ZBED4: variants seen among roughly 807,000 people sequenced by gnomAD.
ZBED4 encodes zinc finger BED domain-containing protein 4.
ZBED4 carries 4 observed loss-of-function variants against 15.5 expected under a neutral mutation model. The observed-to-expected ratio is 0.26, with a 90% confidence interval of 0.13 to 0.59. The LOEUF (loss-of-function observed/expected upper bound fraction) is 0.59, where lower values mean the gene tolerates loss of function less well. Among genes scored for constraint, ZBED4 ranks in the 20% least tolerant of loss-of-function variants. The pLI, the probability that ZBED4 is intolerant of heterozygous loss-of-function variation, is 0.90. For missense variants in ZBED4, 1,323 were observed against 1,461.8 expected (o/e 0.91, Z 1.55); for synonymous variants, 692 against 608.5 (o/e 1.14, Z -2.02).
rs745521353 is a variant in ZBED4 at position 49,886,613 on chromosome 22, C to G, written c.2951C>G (p.Ser984Cys). The G allele has an allele frequency of 6.3e-7, 1 of 1,576,428 alleles. No individual in the cohort carries two copies. The highest frequency in any genetic ancestry group is 1.2e-5 in the South Asian group (1 of 85,096). The stretch of plus-strand genomic sequence containing the variant: ...ATGGGCATCGACACCATGCTGCGCT[C>G]TCTGAAGGAGGCCATGGTGAGCCGC... Reference protein sequence around the residue: ...ETMGIDTMLRSLKEAMVSRLS... With the variant: ...ETMGIDTMLRCLKEAMVSRLS... The change falls in exon 2 of 2, where the codon TCT (serine) becomes TGT (cysteine). Residue 984 changes from serine (S) to cysteine (C), a missense_variant. Ser to Cys is a moderately radical substitution (Grantham distance 112). Around this residue, in one of 6 missense-constraint regions of ZBED4, gnomAD observed 312 missense variants for 410.7 expected, o/e 0.76. Coordinates refer to ENST00000216268, the MANE Select transcript of ZBED4 (RefSeq NM_014838.3). This position sits in a 1 kb window ranked among gnomAD's most constrained non-coding sequence, Gnocchi z 7.7.
intron 1 of ZBED4, among the ~76,000 whole-genome samples, chr22:49,865,719 T>C (rs2060319497): frequency 6.6e-6 from 1 of 152,120 alleles, no homozygotes. Flanking sequence ...TGTGTTTTGG[T>C]TGAGGTTTGC....
In ZBED4 at chr22:49,885,513, G is replaced by T; in HGVS notation, c.1851G>T (p.Ser617=). The T allele has an allele frequency of 1.2e-6, 2 of 1,609,984 alleles. No homozygotes were observed. The highest frequency in any genetic ancestry group is 1.3e-5 in the African/African-American group (1 of 74,982). ...FHSNVLKTEV[S]ETARPSSPDT... is the part of the protein sequence containing the mutation. ...GCAACGTGCTGAAAACTGAGGTCTC[G>T]GAGACGGCTCGGCCCTCCTCTCCGG... The change falls in exon 2 of 2, where the codon TCG becomes TCT. Residue 617 remains serine, a synonymous_variant. Coordinates refer to ENST00000216268, the MANE Select transcript of ZBED4 (RefSeq NM_014838.3).
At chr22:49,865,337 C>T (rs1052703608) in intron 1 of ZBED4, among the ~76,000 whole-genome samples, 1 of 152,032 alleles carries the variant, frequency 6.6e-6, no homozygotes, top group South Asian at 2.1e-4. Flanking sequence ...CTGTGCAGCA[C>T]GTGACTGTGT....
intron 1 of ZBED4, among the ~76,000 whole-genome samples, chr22:49,880,565 G>A (rs1280955588): frequency 2.0e-5 from 3 of 152,200 alleles, no homozygotes; most frequent in African/African-American, 4.8e-5. Context: ...CTCTCTCAGC[G>A]TCTGAAAACG....
intron 1 of ZBED4, among the ~76,000 whole-genome samples, chr22:49,875,190 G>T (rs1401155066): frequency 6.6e-6 from 1 of 151,934 alleles, no homozygotes; most frequent in East Asian, 1.9e-4. Context: ...AAAGAATTGG[G>T]AGGTGTTTCT....
At chr22:49,858,816 G>A (rs1217727329) in intron 1 of ZBED4, among the ~76,000 whole-genome samples, 2 of 152,136 alleles carry the variant, frequency 1.3e-5, no homozygotes, top group Non-Finnish European at 2.9e-5. Context: ...AACCAGAATC[G>A]AGTACAGGGC....
In ZBED4 at chr22:49,883,856, G is replaced by T; in HGVS notation, c.194G>T (p.Gly65Val). 1 of 1,608,426 alleles carries T rather than the reference G, an allele frequency of 6.2e-7. No homozygotes were observed. The change falls in exon 2 of 2, where the codon GGT becomes GTT. Residue 65 changes from glycine (G) to valine (V), a missense_variant. Physicochemically the swap from Gly to Val is moderately radical, Grantham distance 109. This residue lies in a region of ZBED4 where 380 missense variants were observed against 413.7 expected (regional missense o/e 0.92). Coordinates refer to ENST00000216268, the MANE Select transcript of ZBED4 (RefSeq NM_014838.3). ...GAGCGAGCGGGCCTCGGTGGGACGGGTTGCAGCTGCAAGCCCCCGGGGAAG... is the reference window on the plus strand; with the variant it reads ...GAGCGAGCGGGCCTCGGTGGGACGGTTTGCAGCTGCAAGCCCCCGGGGAAG... ...GGERAGLGGT[G>V]CSCKPPGKYL...
Position 49,887,638 on chromosome 22 carries a change from G to A in ZBED4, c.*460G>A, listed in dbSNP as rs1392377642. The A allele has an allele frequency of 5.8e-6, 1 of 171,258 alleles. No individual in the cohort carries two copies. Among genetic ancestry groups the A allele is most frequent in the Admixed American group, 6.2e-5 (1 of 16,208 alleles). 10.6% of individuals were successfully genotyped at this position (171,258 alleles called of 1,614,324 possible). On this transcript the variant is annotated 3_prime_UTR_variant, in exon 2 of 2. Transcript: ENST00000216268. ...TATCAAATGAAATCTGTAAATAGGA[G>A]GTGGAGGGCAAGCCATCCTGACTGA...
chr22:49,856,272 T>C (rs2061875926), intron 1 of ZBED4, among the ~76,000 whole-genome samples: 1 of 152,104 alleles, frequency 6.6e-6, no homozygotes, highest in South Asian at 2.1e-4. Context: ...CCATGGTGGT[T>C]TTCAAAGAAG....
Position 49,887,360 on chromosome 22 carries a change from C to T in ZBED4, c.*182C>T, listed in dbSNP as rs191942549. On this transcript the variant is annotated 3_prime_UTR_variant, in exon 2 of 2. Transcript: ENST00000216268. ...ACCCCTTCTCCTTCAGGCCAAGTTT[C>T]GCGGGGTGTTTTATTAAGACGTCCA... The T allele has an allele frequency of 3.4e-5, 18 of 535,906 alleles. No homozygotes were observed. The highest frequency in any genetic ancestry group is 1.4e-4 in the Admixed American group (4 of 28,808). 33.2% of individuals were successfully genotyped at this position (535,906 alleles called of 1,614,324 possible). A position where few individuals can be genotyped will look rare whatever the true frequency, so the allele number is the denominator to read the frequency against.
chr22:49,862,770 C>T (rs770421601), intron 1 of ZBED4, among the ~76,000 whole-genome samples: 4 of 135,296 alleles, frequency 3.0e-5, no homozygotes, highest in African/African-American at 5.7e-5. Context: ...GTCGTGATCT[C>T]GGCTCACTGC....
At position 49,886,278 on chromosome 22, in the gene ZBED4, G is replaced by C. The variant is rs1199158098; in HGVS notation, c.2616G>C (p.Glu872Asp). ...CCAAGGCGAAGGAGAAACTGGCCGA[G>C]CTGCAGAGGGAGTACGCGCTGCCTC... ...RSPKAKEKLAELQREYALPQH... is the reference protein window; with the variant it reads ...RSPKAKEKLADLQREYALPQH... Residue 872 changes from glutamate (E) to aspartate (D), a missense_variant, in exon 2 of 2, where the codon GAG becomes GAC. This residue lies in a region of ZBED4 where 312 missense variants were observed against 410.7 expected (regional missense o/e 0.76). Transcript: ENST00000216268. The surrounding 1 kb of genome is among the most constrained non-coding windows in gnomAD (Gnocchi z 7.7). 1.4e-6 allele frequency: 2 copies of C among 1,389,006 alleles called. No individual in the cohort carries two copies. The highest frequency in any genetic ancestry group is 2.9e-5 in the African/African-American group (2 of 69,732). 86.0% of individuals were successfully genotyped at this position (1,389,006 alleles called of 1,614,324 possible).
intron 1 of ZBED4, among the ~76,000 whole-genome samples, chr22:49,876,280 C>T (rs2147529974): frequency 6.6e-6 from 1 of 152,256 alleles, no homozygotes; most frequent in East Asian, 1.9e-4. Context: ...AATAAATGCC[C>T]ATTAGGTCAA....
intron 1 of ZBED4, among the ~76,000 whole-genome samples, chr22:49,882,360 T>C (rs2147542876): frequency 6.6e-6 from 1 of 152,372 alleles, no homozygotes; most frequent in South Asian, 2.1e-4. Context: ...GAGGCTTCAC[T>C]GAGCTGTGGT....
chr22:49,883,093 C>T (rs1201690862), intron 1 of ZBED4, among the ~76,000 whole-genome samples: 1 of 152,132 alleles, frequency 6.6e-6, no homozygotes, highest in African/African-American at 2.4e-5. Flanking sequence ...TTCATGTTCC[C>T]CAATCCTTTA....
intron 1 of ZBED4, among the ~76,000 whole-genome samples, chr22:49,883,005 T>C (rs567184315): frequency 6.6e-6 from 1 of 152,236 alleles, no homozygotes. Context: ...CAGCTGTGAG[T>C]ACCTCTCATG....
At chr22:49,876,251 C>T (rs893606886) in intron 1 of ZBED4, among the ~76,000 whole-genome samples, 1 of 152,010 alleles carries the variant, frequency 6.6e-6, no homozygotes, top group Non-Finnish European at 1.5e-5. Flanking sequence ...ATGTGTATTC[C>T]GTTGTTGTTG....
Position 49,883,603 on chromosome 22 carries a change from T to C in ZBED4, c.-60T>C. The C allele has an allele frequency of 6.8e-7, 1 of 1,465,322 alleles. No homozygotes were observed. Among genetic ancestry groups the C allele is most frequent in the Admixed American group, 2.3e-5 (1 of 43,264 alleles). 90.8% of individuals were successfully genotyped at this position (1,465,322 alleles called of 1,614,324 possible). A position where few individuals can be genotyped will look rare whatever the true frequency, so the allele number is the denominator to read the frequency against. On this transcript the variant is annotated 5_prime_UTR_variant, in exon 2 of 2. It removes an upstream start codon present in the reference 5' UTR. Coordinates refer to ENST00000216268, the MANE Select transcript of ZBED4 (RefSeq NM_014838.3). ...GATAATCTACATTCGGGGGCACAAA[T>C]GAGCACTTGGATCAGTGTTTTATGA... is the stretch of plus-strand genomic sequence containing the variant.
rs2060452259 is a variant in ZBED4, at chr22:49,888,586, A to G, written c.*1408A>G. ...CAGGGCTCCAGGGAAGTGGAGATGT[A>G]ATTCTTACAACAACAGTTCTGATCA... On this transcript the variant is annotated 3_prime_UTR_variant, in exon 2 of 2. Coordinates refer to ENST00000216268, the MANE Select transcript of ZBED4 (RefSeq NM_014838.3). The G allele has an allele frequency of 6.0e-6, 1 of 167,274 alleles. No homozygotes were observed. Among genetic ancestry groups the G allele is most frequent in the Admixed American group, 6.5e-5 (1 of 15,292 alleles). The allele number at this position is 167,274 out of a possible 1,614,324, so 10.4% of individuals were successfully genotyped here. A position where few individuals can be genotyped will look rare whatever the true frequency, so the allele number is the denominator to read the frequency against.
Sources: gnomAD v4.1 joint callset for allele counts (sites outside exome capture counted in the v4.1 genomes callset) on GRCh38, gnomAD v4.1.1 for gene constraint, gnomAD v4.1.1 regional missense constraint, Gnocchi (gnomAD v3.1) non-coding constraint, MANE v1.5 for transcripts, NCBI Gene and HGNC (gene_info 2026-07-23, HGNC 2026-07-21) for gene names.